The following SMARCA2 variants were observed in gnomAD, a reference collection of about 807,000 sequenced individuals.
The protein encoded by SMARCA2 is SWI/SNF related BAF chromatin remodeling complex subunit ATPase 2, also known as SWI/SNF-related matrix-associated actin-dependent regulator of chromatin subfamily A member 2.
In SMARCA2, 61 loss-of-function variants were observed where a neutral mutation model predicts 199.8. The observed-to-expected ratio is 0.31, with a 90% CI of 0.25 to 0.38. The LOEUF (loss-of-function observed/expected upper bound fraction) is 0.38, where lower values mean the gene tolerates loss of function less well. Among genes scored for constraint, SMARCA2 ranks in the 10% least tolerant of loss-of-function variants. The pLI is 1.00. For synonymous variants in SMARCA2, 935 were observed against 732.0 expected (o/e 1.28, Z -4.48); for missense variants, 1,344 against 2,012.2 (o/e 0.67, Z 6.35).
At position 2,039,809 on chromosome 9, in the gene SMARCA2, G is replaced by GCAGCAA. The variant is rs1345238025; in HGVS notation, c.704_705insACAGCA (p.Gln237_Gln238dup). 3 of 1,605,830 alleles carry GCAGCAA rather than the reference G, an allele frequency of 1.9e-6. No individual in the cohort carries two copies. Among genetic ancestry groups the GCAGCAA allele is most frequent in the East Asian group, 2.2e-5 (1 of 44,654 alleles). ...AGCAGCAGCAGCAGCAGCAGCAGCA[G>GCAGCAA]CAGCAGCAACAGCAGCCGCAGCAGC... On this transcript the variant is annotated inframe_insertion, in exon 4 of 34. Coordinates refer to ENST00000349721, the MANE Select transcript of SMARCA2 (RefSeq NM_003070.5). This position sits in a 1 kb window ranked among gnomAD's most constrained non-coding sequence, Gnocchi z 4.8.
chr9:2,088,249 C>T (rs1321097414), intron 18 of SMARCA2, among the ~76,000 whole-genome samples: 2 of 152,216 alleles, frequency 1.3e-5, no homozygotes, highest in African/African-American at 4.8e-5. Context: ...TGATAAAAAA[C>T]TGGTGGCTTC....
intron 21 of SMARCA2, among the ~76,000 whole-genome samples, chr9:2,099,733 C>G (rs1017284924): frequency 2.0e-5 from 3 of 152,164 alleles, no homozygotes; most frequent in Non-Finnish European, 2.9e-5. Context: ...TCGTTTGCCA[C>G]ACACCCTTTG....
intron 17 of SMARCA2, among the ~76,000 whole-genome samples, chr9:2,084,540 C>T (rs1244422201): frequency 2.0e-5 from 3 of 152,134 alleles, no homozygotes; most frequent in East Asian, 3.9e-4. Flanking sequence ...TGCACATTCT[C>T]GGGAAAGAAA....
Position 2,169,230 on chromosome 9 carries a change from G to A in SMARCA2, c.4200-1189G>A, listed in dbSNP as rs574259223. The stretch of plus-strand genomic sequence containing the variant: ...TGCTGGCCTGGCCTGGCAAGCTGCA[G>A]GGTGGACTGCGTGCCCTGCCTCCAG... On this transcript the variant is annotated intron_variant, in intron 28 of 33. Coordinates refer to ENST00000349721, the MANE Select transcript of SMARCA2 (RefSeq NM_003070.5). This position sits in a 1 kb window ranked among gnomAD's most constrained non-coding sequence, Gnocchi z 6.5. 6.6e-6 allele frequency among the ~76,000 whole-genome samples: 1 copy of A among 152,272 alleles called. No homozygotes were observed. Among genetic ancestry groups the A allele is most frequent in the African/African-American group, 2.4e-5 (1 of 41,568 alleles).
intron 27 of SMARCA2, among the ~76,000 whole-genome samples, chr9:2,144,335 G>A (rs890326487): frequency 6.6e-6 from 1 of 152,162 alleles, no homozygotes; most frequent in Non-Finnish European, 1.5e-5. Context: ...TTCTTGGCCA[G>A]ATGAGGAAAT....
At chr9:2,173,413 T>C (rs746630918) in intron 29 of SMARCA2, among the ~76,000 whole-genome samples, 1 of 152,224 alleles carries the variant, frequency 6.6e-6, no homozygotes, top group East Asian at 1.9e-4. Context: ...GCTGTAATGA[T>C]AGCTCTCAAG....
chr9:2,097,615 C>T (rs1822327383), intron 21 of SMARCA2, 144 bp downstream of exon 21: 2 of 563,692 alleles, frequency 3.5e-6, no homozygotes, highest in Non-Finnish European at 3.2e-6. Flanking sequence ...TCTGATAGCT[C>T]GACAAGCAGA....
chr9:2,069,289 G>T (rs912363218), intron 9 of SMARCA2, among the ~76,000 whole-genome samples: 3 of 151,578 alleles, frequency 2.0e-5, no homozygotes, highest in Non-Finnish European at 4.4e-5. Flanking sequence ...AAGATATTGG[G>T]ATATGTAAGA....
chr9:2,088,394 TA>T, intron 18 of SMARCA2, 105 bp from the exon 19 acceptor site: 2 of 1,325,562 alleles, frequency 1.5e-6, no homozygotes, highest in Non-Finnish European at 2.0e-6. Flanking sequence ...TTAATGCATG[TA>T]AAATGTCAAT....
In SMARCA2 at chr9:2,169,249, C is replaced by T. The variant is rs1169740434; in HGVS notation, c.4200-1170C>T. Among the ~76,000 whole-genome samples, 1 of 152,180 alleles carries T rather than the reference C, an allele frequency of 6.6e-6. No individual in the cohort carries two copies. The highest frequency in any genetic ancestry group is 1.5e-5 in the Non-Finnish European group (1 of 68,026). On this transcript the variant is annotated intron_variant, in intron 28 of 33. Coordinates refer to ENST00000349721, the MANE Select transcript of SMARCA2 (RefSeq NM_003070.5). This position sits in a 1 kb window ranked among gnomAD's most constrained non-coding sequence, Gnocchi z 6.5. ...GCTGCAGGGTGGACTGCGTGCCCTG[C>T]CTCCAGTCTCTTCCTGTCCTGGCTT...
intron 27 of SMARCA2, among the ~76,000 whole-genome samples, chr9:2,141,743 GCATAGATGT>G (rs1824468788): frequency 6.6e-6 from 1 of 152,036 alleles, no homozygotes; most frequent in African/African-American, 2.4e-5. Flanking sequence ...GCAAGTCTGT[GCATAGATGT>G]GCCTCTTCAA....
Position 2,054,409 on chromosome 9 carries a change from C to T in SMARCA2, c.1047-188C>T, listed in dbSNP as rs3750417. On this transcript the variant is annotated intron_variant, in intron 5 of 33. Transcript: ENST00000349721. ...TTGTTAAGTAACATATACCTGTCTG[C>T]ATTAATGCAAAGGTAGCTTTTCTCT... Among the ~76,000 whole-genome samples the T allele has an allele frequency of 0.26, 39,022 of 152,144 alleles. 5,043 individuals are homozygous for T. Among genetic ancestry groups the T allele is most frequent in the African/African-American group, 0.3 (12,627 of 41,486 alleles).
intron 1 of SMARCA2, chr9:2,027,605 C>T (rs1046383939): frequency 1.3e-5 from 2 of 152,164 alleles, no homozygotes; most frequent in African/African-American, 4.8e-5. Flanking sequence ...CATGGCCTGC[C>T]TTCATGGCCC....
Position 2,104,879 on chromosome 9 carries a change from G to T in SMARCA2, c.3292+710G>T, listed in dbSNP as rs778809742. 2.6e-5 allele frequency among the ~76,000 whole-genome samples: 4 copies of T among 152,152 alleles called. No individual in the cohort carries two copies. The South Asian group carries it at 8.3e-4, about 32-fold the overall frequency. Reference sequence around the variant, plus strand: ...GTATCAGCATTTATACACAATGGAAGGGCATAAATATGGCATTCAAAGAGT... The same window carrying T: ...GTATCAGCATTTATACACAATGGAATGGCATAAATATGGCATTCAAAGAGT... On this transcript the variant is annotated intron_variant, in intron 23 of 33. Transcript: ENST00000349721. This position sits in a 1 kb window ranked among gnomAD's most constrained non-coding sequence, Gnocchi z 4.0.
At chr9:2,192,004 T>C (rs10811628) in intron 33 of SMARCA2, 22,875 of 153,958 alleles carry the variant, frequency 0.15, 2,070 homozygotes, top group African/African-American at 0.26. Flanking sequence ...TCAAATAACA[T>C]GTTATGGAAA....
intron 27 of SMARCA2, among the ~76,000 whole-genome samples, chr9:2,140,821 A>G (rs1340550189): frequency 6.6e-6 from 1 of 152,014 alleles, no homozygotes; most frequent in East Asian, 1.9e-4. Flanking sequence ...CATGATGCAC[A>G]CCGAGCCCCT....
At chr9:2,159,791 G>A (rs1288987918) in intron 27 of SMARCA2, 2 of 1,600,998 alleles carry the variant, frequency 1.2e-6, no homozygotes, top group South Asian at 1.1e-5. Context: ...CCTTTCCCCA[G>A]CTCTCTTTTT....
chr9:2,111,227 C>G (rs1822982590), intron 24 of SMARCA2, among the ~76,000 whole-genome samples: 1 of 151,732 alleles, frequency 6.6e-6, no homozygotes, highest in Non-Finnish European at 1.5e-5. Context: ...TGGCTCATGC[C>G]TGTAATCCCA....
intron 22 of SMARCA2, among the ~76,000 whole-genome samples, chr9:2,103,009 C>G (rs1032311564): frequency 2.6e-5 from 4 of 151,266 alleles, no homozygotes; most frequent in African/African-American, 9.7e-5. Flanking sequence ...TCCTTTACCC[C>G]TCAGGACCTT....
Sources: allele counts gnomAD v4.1 joint callset (sites outside exome capture counted in the v4.1 genomes callset), GRCh38; gene constraint gnomAD v4.1.1; non-coding constraint Gnocchi (gnomAD v3.1); transcripts MANE v1.5; gene names NCBI Gene and HGNC (gene_info 2026-07-23, HGNC 2026-07-21).